GNA14: variants seen among roughly 807,000 people sequenced by gnomAD.
The protein encoded by GNA14 is guanine nucleotide-binding protein subunit alpha-14.
Under a neutral mutation model 42.0 loss-of-function variants are expected in GNA14, and 50 were observed. The ratio of observed to expected loss-of-function variants is 1.19; its 90% CI spans 0.95 to 1.51. The LOEUF (loss-of-function observed/expected upper bound fraction) is 1.51. Among genes scored for constraint, GNA14 ranks in the 40% most tolerant of loss-of-function variants. GNA14 has a pLI of 0.00. For synonymous variants in GNA14, 173 were observed against 163.1 expected (o/e 1.06, Z -0.46); for missense variants, 473 against 446.2 (o/e 1.06, Z -0.54).
intron 1 of GNA14, among the ~76,000 whole-genome samples, chr9:77,576,374 C>T (rs1823128458): frequency 6.6e-6 from 1 of 152,116 alleles, no homozygotes; most frequent in South Asian, 2.1e-4. Context: ...TTTTTAAAAA[C>T]ATCTAAATTT....
At chr9:77,490,712 C>G (rs1729112635) in intron 2 of GNA14, among the ~76,000 whole-genome samples, 1 of 152,240 alleles carries the variant, frequency 6.6e-6, no homozygotes, top group African/African-American at 2.4e-5. Context: ...ACCCGGAACC[C>G]CAGCTGGCCT....
chr9:77,614,967 C>T (rs777120921), intron 1 of GNA14, among the ~76,000 whole-genome samples: 1 of 152,214 alleles, frequency 6.6e-6, no homozygotes, highest in Non-Finnish European at 1.5e-5. Flanking sequence ...GCCAGCTTGC[C>T]TCCTAAAGGG....
intron 2 of GNA14, among the ~76,000 whole-genome samples, chr9:77,519,506 T>C (rs986282352): frequency 7.9e-5 from 12 of 152,302 alleles, no homozygotes; most frequent in Admixed American, 2.0e-4. Context: ...TTAAAACACA[T>C]GTCCCCTTCC....
chr9:77,595,840 T>C (rs1418560368), intron 1 of GNA14, among the ~76,000 whole-genome samples: 3 of 152,144 alleles, frequency 2.0e-5, no homozygotes, highest in Admixed American at 6.5e-5. Flanking sequence ...CAGTTAGGGA[T>C]GTTTTCAAAA....
At chr9:77,554,567 C>G (rs2131784375) in intron 1 of GNA14, among the ~76,000 whole-genome samples, 1 of 152,266 alleles carries the variant, frequency 6.6e-6, no homozygotes. Flanking sequence ...ATACTAAAGT[C>G]ATCCACTTTA....
At chr9:77,549,110 T>A (rs1165768860) in intron 1 of GNA14, among the ~76,000 whole-genome samples, 3 of 152,102 alleles carry the variant, frequency 2.0e-5, no homozygotes, top group Non-Finnish European at 2.9e-5. Context: ...AATTTTTGGA[T>A]TTTTAGCAGA....
At chr9:77,530,043 A>G (rs756584445) in intron 1 of GNA14, among the ~76,000 whole-genome samples, 3 of 152,168 alleles carry the variant, frequency 2.0e-5, no homozygotes, top group Non-Finnish European at 4.4e-5. Flanking sequence ...CCATGTTTGG[A>G]ACATGATGTG....
At chr9:77,487,302 T>C (rs938166818) in intron 2 of GNA14, among the ~76,000 whole-genome samples, 1 of 152,190 alleles carries the variant, frequency 6.6e-6, no homozygotes, top group Admixed American at 6.5e-5. Context: ...CAGTTGACTA[T>C]GGGTAACTGA....
intron 1 of GNA14, among the ~76,000 whole-genome samples, chr9:77,560,426 C>CCA (rs1641802520): frequency 1.3e-5 from 2 of 151,804 alleles, no homozygotes; most frequent in African/African-American, 4.8e-5. Context: ...GTAGCTGGGA[C>CCA]CACAGGTGCA....
chr9:77,624,016 T>G (rs1823975632), intron 1 of GNA14, among the ~76,000 whole-genome samples: 1 of 152,212 alleles, frequency 6.6e-6, no homozygotes, highest in Non-Finnish European at 1.5e-5. Context: ...TACGTTCCAC[T>G]GGCTTGAAAT....
chr9:77,516,638 A>G (rs574933606), intron 2 of GNA14, among the ~76,000 whole-genome samples: 2 of 151,924 alleles, frequency 1.3e-5, no homozygotes, highest in African/African-American at 4.8e-5. Flanking sequence ...AGGTGGGAGA[A>G]TCACTTGAAT....
In GNA14 at chr9:77,488,784, T is replaced by TAAA. The variant is rs67416479; in HGVS notation, c.309+40282_309+40284dup. Among the ~76,000 whole-genome samples, 360 of 53,578 alleles carry TAAA rather than the reference T, an allele frequency of 6.7e-3. 1 individual carries two copies. Among genetic ancestry groups the TAAA allele is most frequent in the African/African-American group, 0.016 (187 of 11,574 alleles). The allele number at this position is 53,578 out of a possible 152,430, so 35.1% of individuals were successfully genotyped here. ...GACTCTTTAAGCAAACACACCTAATTAAAAAAAAAAAAAAAAAAAAAAAAA... is the reference window on the plus strand; with the variant it reads ...GACTCTTTAAGCAAACACACCTAATTAAAAAAAAAAAAAAAAAAAAAAAAAAAA... On this transcript the variant is annotated intron_variant, in intron 2 of 6. Transcript: ENST00000341700.
At chr9:77,607,125 T>C (rs1412777017) in intron 1 of GNA14, among the ~76,000 whole-genome samples, 1 of 152,166 alleles carries the variant, frequency 6.6e-6, no homozygotes, top group East Asian at 1.9e-4. Context: ...ATTAAGACAT[T>C]TTTCTCTTCT....
intron 1 of GNA14, among the ~76,000 whole-genome samples, chr9:77,562,442 C>A (rs2131789493): frequency 6.6e-6 from 1 of 152,114 alleles, no homozygotes; most frequent in East Asian, 1.9e-4. Context: ...GGAGAGCCAC[C>A]AAGCTAGAGT....
At chr9:77,467,640 C>T (rs139847247) in intron 2 of GNA14, among the ~76,000 whole-genome samples, 118 of 125,350 alleles carry the variant, frequency 9.4e-4, no homozygotes, top group African/African-American at 3.8e-3. Flanking sequence ...GGCAGAACTG[C>T]GGAGCTCTCC....
chr9:77,590,164 C>G (rs919739626), intron 1 of GNA14, among the ~76,000 whole-genome samples: 1 of 152,064 alleles, frequency 6.6e-6, no homozygotes, highest in South Asian at 2.1e-4. Context: ...TGATCCACCC[C>G]CCTCGGCCTC....
intron 1 of GNA14, among the ~76,000 whole-genome samples, chr9:77,631,467 T>TAAAAAAAAAAAAAAAA: frequency 8.1e-6 from 1 of 123,406 alleles, no homozygotes; most frequent in Non-Finnish European, 1.7e-5. Context: ...ACTTTTTATG[T>TAAAAAAAAAAAAAAAA]AAAAAAAAAA....
chr9:77,634,470 GGGAA>G (rs200703217), intron 1 of GNA14, among the ~76,000 whole-genome samples: 2,673 of 146,512 alleles, frequency 0.018, 64 homozygotes, highest in African/African-American at 0.059. Context: ...AAAGGAAGGA[GGGAA>G]GGAAGGAAGG....
chr9:77,424,771 T>C (rs897674503), intron 6 of GNA14, among the ~76,000 whole-genome samples: 7 of 152,216 alleles, frequency 4.6e-5, no homozygotes, highest in Non-Finnish European at 1.0e-4. Flanking sequence ...GGCTAACACA[T>C]ATGGACAGAC....
Sources: allele counts gnomAD v4.1 joint callset (sites outside exome capture counted in the v4.1 genomes callset), GRCh38; gene constraint gnomAD v4.1.1; transcripts MANE v1.5; gene names NCBI Gene and HGNC (gene_info 2026-07-23, HGNC 2026-07-21).